Variants in NOCT observed in about 807,000 individuals in gnomAD.
NOCT encodes CCR4 carbon catabolite repression 4-like.
Under a neutral mutation model 35.0 loss-of-function variants are expected in NOCT, and 18 were observed. The ratio of observed to expected loss-of-function variants is 0.51; its 90% CI spans 0.36 to 0.76. The LOEUF (loss-of-function observed/expected upper bound fraction) is 0.76. Among genes scored for constraint, NOCT ranks in the 30% least tolerant of loss-of-function variants. The probability of loss-of-function intolerance (pLI) is 0.01; values close to 1 mark genes in which losing one functional copy is unlikely to be tolerated. For missense variants in NOCT, 479 were observed against 541.0 expected (o/e 0.89, Z 1.14); for synonymous variants, 235 against 226.3 (o/e 1.04, Z -0.34).
At chr4:139,021,608 C>CTA (rs1169616232) in intron 1 of NOCT, among the ~76,000 whole-genome samples, 1 of 151,982 alleles carries the variant, frequency 6.6e-6, no homozygotes, top group Admixed American at 6.6e-5. Flanking sequence ...TCCATGTAGT[C>CTA]ACTCTAAGTC....
chr4:139,027,826 A>T (rs1481244089), intron 1 of NOCT, among the ~76,000 whole-genome samples: 1 of 152,174 alleles, frequency 6.6e-6, no homozygotes, highest in East Asian at 1.9e-4. Flanking sequence ...TTTGAATTTC[A>T]TATCATTTTC....
chr4:139,026,774 A>G (rs990582127), intron 1 of NOCT, among the ~76,000 whole-genome samples: 67 of 151,478 alleles, frequency 4.4e-4, no homozygotes, highest in Admixed American at 4.3e-3. Context: ...CTGGTCTTGA[A>G]TTCCTGACCT....
intron 1 of NOCT, among the ~76,000 whole-genome samples, chr4:139,017,610 A>G (rs1483994319): frequency 3.3e-5 from 5 of 150,674 alleles, no homozygotes; most frequent in African/African-American, 1.2e-4. Context: ...CGGGTAGATC[A>G]CCCGAGGTCA....
In NOCT at chr4:139,045,045, A is replaced by T. The variant is rs756778673; in HGVS notation, c.867A>T (p.Ala289=). 1 of 1,614,218 alleles carries T rather than the reference A, an allele frequency of 6.2e-7. No homozygotes were observed. The highest frequency in any genetic ancestry group is 8.5e-7 in the Non-Finnish European group (1 of 1,180,034). ...QFCIAVTHLK[A]RTGWERFRSA... is the part of the protein sequence containing the mutation. ...GCATCGCTGTTACCCATCTAAAAGC[A>T]CGCACTGGCTGGGAGCGGTTTCGAT... is the stretch of plus-strand genomic sequence containing the variant. The change falls in exon 3 of 3, where the codon GCA becomes GCT. Residue 289 remains alanine (A), a synonymous_variant. Transcript: ENST00000280614.
At chr4:139,025,236 T>G (rs902047939) in intron 1 of NOCT, among the ~76,000 whole-genome samples, 4 of 152,294 alleles carry the variant, frequency 2.6e-5, no homozygotes, top group African/African-American at 9.6e-5. Context: ...AGGGGACACA[T>G]GTAACTAGTG....
intron 1 of NOCT, among the ~76,000 whole-genome samples, chr4:139,025,293 C>T (rs992255334): frequency 2.6e-5 from 4 of 152,120 alleles, no homozygotes; most frequent in African/African-American, 9.7e-5. Flanking sequence ...ACAGTTACCC[C>T]CTCAGCTTCT....
intron 1 of NOCT, among the ~76,000 whole-genome samples, chr4:139,031,285 G>A (rs1726618896): frequency 6.6e-6 from 1 of 152,076 alleles, no homozygotes; most frequent in Non-Finnish European, 1.5e-5. Flanking sequence ...GAGTAGCTGG[G>A]ACAACAGGCA....
Position 139,044,740 on chromosome 4 carries a change from C to T in NOCT, c.562C>T (p.Pro188Ser). The T allele has an allele frequency of 6.2e-7, 1 of 1,614,152 alleles. No homozygotes were observed. The highest frequency in any genetic ancestry group is 2.2e-5 in the East Asian group (1 of 44,888). The change falls in exon 3 of 3, where the codon CCT becomes TCT. Residue 188 changes from proline to serine, a missense_variant. This residue lies in a region of NOCT where 265 missense variants were observed against 257.0 expected (regional missense o/e 1.03). Transcript: ENST00000280614. ...CCTGGAAGAAATCCTGGCCTACCAG[C>T]CTGATATATTGTGCCTCCAAGAGGT... ...LILEEILAYQ[P>S]DILCLQEVDH...
rs546346607 is a variant in NOCT at position 139,045,509 on chromosome 4, ATTT to A, written c.*58_*60del. On this transcript the variant is annotated 3_prime_UTR_variant, in exon 3 of 3. Coordinates refer to ENST00000280614, the MANE Select transcript of NOCT (RefSeq NM_012118.4). ...TTTGTCTTTTTAATCACAGGAGTCTATTTTTTTTTTTTTTTTTTTTTTTTTGAG... is the reference window on the plus strand; with the variant it reads ...TTTGTCTTTTTAATCACAGGAGTCTATTTTTTTTTTTTTTTTTTTTTTGAG... 3.0e-3 allele frequency: 1,127 copies of A among 377,932 alleles called. No homozygotes were observed. The highest frequency in any genetic ancestry group is 4.0e-3 in the East Asian group (86 of 21,394). 23.4% of individuals were successfully genotyped at this position (377,932 alleles called of 1,614,324 possible). A position where few individuals can be genotyped will look rare whatever the true frequency, so the allele number is the denominator to read the frequency against.
At chr4:139,017,475 G>A (rs949694342) in intron 1 of NOCT, among the ~76,000 whole-genome samples, 1 of 150,800 alleles carries the variant, frequency 6.6e-6, no homozygotes, top group African/African-American at 2.4e-5. Context: ...TGAACCTCCC[G>A]CTTTGGCCTC....
intron 1 of NOCT, among the ~76,000 whole-genome samples, chr4:139,033,864 A>G (rs1166010250): frequency 3.3e-5 from 5 of 151,926 alleles, no homozygotes; most frequent in Admixed American, 6.5e-5. Flanking sequence ...CCACAGGCAC[A>G]TGCCACCATG....
At chr4:139,027,337 G>A (rs371327648) in intron 1 of NOCT, among the ~76,000 whole-genome samples, 65 of 152,004 alleles carry the variant, frequency 4.3e-4, no homozygotes, top group Middle Eastern at 3.4e-3. Context: ...ACCATGCCTG[G>A]CTAAAGGCTC....
chr4:139,040,157 G>A (rs1347787351), intron 1 of NOCT, among the ~76,000 whole-genome samples: 2 of 148,460 alleles, frequency 1.3e-5, no homozygotes, highest in Non-Finnish European at 3.0e-5. Context: ...CTCAGCCTCC[G>A]AAGCAGCTGG....
intron 1 of NOCT, among the ~76,000 whole-genome samples, chr4:139,018,277 G>C (rs1409216030): frequency 6.6e-6 from 1 of 152,124 alleles, no homozygotes; most frequent in East Asian, 1.9e-4. Context: ...TTCCCTCAAA[G>C]TCTCAGAGGC....
chr4:139,025,041 C>T (rs1181063815), intron 1 of NOCT, among the ~76,000 whole-genome samples: 1 of 152,174 alleles, frequency 6.6e-6, no homozygotes, highest in Non-Finnish European at 1.5e-5. Context: ...TTCTTCAGTC[C>T]AACCCCTTCC....
In NOCT at chr4:139,044,806, C is replaced by A; in HGVS notation, c.628C>A (p.Leu210Ile). The A allele has an allele frequency of 6.2e-7, 1 of 1,614,188 alleles. No individual in the cohort carries two copies. Among genetic ancestry groups the A allele is most frequent in the Non-Finnish European group, 8.5e-7 (1 of 1,180,024 alleles). ...CACCTTCCAGCCACTCCTCAGTAGA[C>A]TAGGCTATCAAGGCACGTTTTTCCC... ...FDTFQPLLSR[L>I]GYQGTFFPKP... Residue 210 changes from leucine (L) to isoleucine (I), a missense_variant, in exon 3 of 3, where the codon CTA becomes ATA. By Grantham distance (5) the Leu-to-Ile change is conservative. Around this residue, in one of 2 missense-constraint regions of NOCT, gnomAD observed 214 missense variants for 284.0 expected, o/e 0.75. Coordinates refer to ENST00000280614, the MANE Select transcript of NOCT (RefSeq NM_012118.4).
At chr4:139,016,964 C>T (rs1444799607) in intron 1 of NOCT, among the ~76,000 whole-genome samples, 1 of 30,976 alleles carries the variant, frequency 3.2e-5, no homozygotes, top group Non-Finnish European at 6.4e-5. Flanking sequence ...TTTTACGTTT[C>T]TTTGGATTTT....
rs772940517 is a variant in NOCT, at chr4:139,044,621, C to T, written c.461-18C>T. The T allele has an allele frequency of 1.9e-5, 30 of 1,544,580 alleles. No homozygotes were observed. Among genetic ancestry groups the T allele is most frequent in the Middle Eastern group, 1.7e-4 (1 of 5,890 alleles). Reference sequence around the variant, plus strand: ...CGGTTTTGTAAGAGCTGACAACTGACTAGCTTTTTCTTTTCAGCTCTTGGA... The same window carrying T: ...CGGTTTTGTAAGAGCTGACAACTGATTAGCTTTTTCTTTTCAGCTCTTGGA... On this transcript the variant is annotated intron_variant, in intron 2 of 2. Coordinates refer to ENST00000280614, the MANE Select transcript of NOCT (RefSeq NM_012118.4).
intron 1 of NOCT, among the ~76,000 whole-genome samples, chr4:139,039,463 A>T (rs950691490): frequency 2.0e-5 from 3 of 149,498 alleles, no homozygotes; most frequent in Non-Finnish European, 4.5e-5. Context: ...CTTTTTAAGT[A>T]TTTTTTTTTA....
Sources: allele counts gnomAD v4.1 joint callset (sites outside exome capture counted in the v4.1 genomes callset), GRCh38; gene constraint gnomAD v4.1.1; regional missense constraint gnomAD v4.1.1; transcripts MANE v1.5; gene names NCBI Gene and HGNC (gene_info 2026-07-23, HGNC 2026-07-21).